CADPS2: variants seen among roughly 807,000 people sequenced by gnomAD.
CADPS2 encodes the protein calcium dependent secretion activator 2, also known as calcium-dependent secretion activator 2.
In CADPS2, 93 loss-of-function variants were observed where a neutral mutation model predicts 172.5. The ratio of observed to expected loss-of-function variants is 0.54; its 90% CI spans 0.46 to 0.64. CADPS2 has a LOEUF of 0.64. Ranked by LOEUF, CADPS2 falls within the 30% of genes least tolerant of loss-of-function variation. The pLI, the probability that CADPS2 is intolerant of heterozygous loss-of-function variation, is 0.00. For missense variants in CADPS2, 1,420 were observed against 1,565.9 expected (o/e 0.91, Z 1.57); for synonymous variants, 546 against 555.2 (o/e 0.98, Z 0.23).
chr7:122,668,627 C>T (rs975127438), intron 2 of CADPS2, among the ~76,000 whole-genome samples: 1 of 152,010 alleles, frequency 6.6e-6, no homozygotes, highest in Non-Finnish European at 1.5e-5. Flanking sequence ...TAGAGACAGT[C>T]CCACTGGCCT....
chr7:122,548,638 T>C (rs1171205641), intron 8 of CADPS2, among the ~76,000 whole-genome samples: 1 of 152,140 alleles, frequency 6.6e-6, no homozygotes, highest in African/African-American at 2.4e-5. Context: ...TAGTAAAACA[T>C]ACAATGAGCA....
chr7:122,770,663 G>C (rs536345713), intron 1 of CADPS2, among the ~76,000 whole-genome samples: 1 of 152,272 alleles, frequency 6.6e-6, no homozygotes, highest in Admixed American at 6.5e-5. Flanking sequence ...CAAATGCAGA[G>C]ATCAATTATC....
rs1488398029 is a variant in CADPS2, at chr7:122,328,747, G to C, written c.3613-3166C>G. Among the ~76,000 whole-genome samples the C allele has an allele frequency of 2.0e-5, 3 of 152,174 alleles. 1 individual carries two copies. Among genetic ancestry groups the C allele is most frequent in the Admixed American group, 1.3e-4 (2 of 15,276 alleles). On this transcript the variant is annotated intron_variant, in intron 28 of 29. Transcript: ENST00000449022. ...AAAAATAGAAGAAAGGGAAAGGCTA[G>C]GGTTGACTCTGTGAGACCCCTGTAT...
At chr7:122,780,573 G>T (rs962723736) in intron 1 of CADPS2, among the ~76,000 whole-genome samples, 1 of 152,108 alleles carries the variant, frequency 6.6e-6, no homozygotes, top group Admixed American at 6.5e-5. Flanking sequence ...TGGAGACAGG[G>T]TCTTCCTCTA....
At chr7:122,373,374 CTGCATTT>C (rs2041993250) in intron 25 of CADPS2, among the ~76,000 whole-genome samples, 1 of 152,114 alleles carries the variant, frequency 6.6e-6, no homozygotes, top group African/African-American at 2.4e-5. Context: ...GTATGGAAAT[CTGCATTT>C]TAACAGTTCT....
Position 122,683,749 on chromosome 7 carries a change from A to AC in CADPS2, c.454-20181_454-20180insG, listed in dbSNP as rs1249602018. 8.6e-5 allele frequency among the ~76,000 whole-genome samples: 13 copies of AC among 151,108 alleles called. No homozygotes were observed. In the East Asian group the frequency reaches 2.2e-3, roughly 25 times the overall value. ...CTTTGATATAATGTTAATGAAGAAA[A>AC]AAAAAACAAACAGATTCCCAGTTGG... is the stretch of plus-strand genomic sequence containing the variant. On this transcript the variant is annotated intron_variant, in intron 2 of 29. Transcript: ENST00000449022.
chr7:122,473,051 T>TCA (rs2056185097), intron 13 of CADPS2, among the ~76,000 whole-genome samples: 1 of 152,154 alleles, frequency 6.6e-6, no homozygotes, highest in Admixed American at 6.5e-5. Flanking sequence ...ATGATGCTTT[T>TCA]AAATCAAGTT....
chr7:122,649,898 A>ATGTTTTTTTTT (rs2078957519), intron 3 of CADPS2, among the ~76,000 whole-genome samples: 1 of 51,974 alleles, frequency 1.9e-5, no homozygotes, highest in Non-Finnish European at 3.3e-5. Flanking sequence ...GTATTCAATG[A>ATGTTTTTTTTT]TTTTTTTTTT....
chr7:122,805,206 C>T (rs577191123), intron 1 of CADPS2, among the ~76,000 whole-genome samples: 1 of 152,166 alleles, frequency 6.6e-6, no homozygotes, highest in African/African-American at 2.4e-5. Context: ...TGTCGCCAGG[C>T]TGGAGTGCAG....
At chr7:122,830,138 G>A (rs1483353422) in intron 1 of CADPS2, among the ~76,000 whole-genome samples, 1 of 152,070 alleles carries the variant, frequency 6.6e-6, no homozygotes, top group Non-Finnish European at 1.5e-5. Context: ...AGGCAGAACC[G>A]CTATTCAAAC....
At chr7:122,641,910 G>T (rs11763626) in intron 3 of CADPS2, among the ~76,000 whole-genome samples, 23,277 of 151,840 alleles carry the variant, frequency 0.15, 2,381 homozygotes, top group Non-Finnish European at 0.23. Context: ...ATCATTATGG[G>T]TACTCAATTA....
chr7:122,814,454 T>C (rs187428863), intron 1 of CADPS2, among the ~76,000 whole-genome samples: 1 of 152,180 alleles, frequency 6.6e-6, no homozygotes, highest in East Asian at 1.9e-4. Context: ...GCAAACTGGT[T>C]TTGTGTGTCC....
At chr7:122,500,354 T>C (rs1435086609) in intron 9 of CADPS2, among the ~76,000 whole-genome samples, 2 of 152,198 alleles carry the variant, frequency 1.3e-5, no homozygotes, top group African/African-American at 2.4e-5. Flanking sequence ...TCAGTAAATA[T>C]TCTGCCATAT....
At chr7:122,411,870 C>T (rs913723396) in intron 19 of CADPS2, among the ~76,000 whole-genome samples, 1 of 152,188 alleles carries the variant, frequency 6.6e-6, no homozygotes, top group African/African-American at 2.4e-5. Flanking sequence ...AAGTTTTTTA[C>T]AACTTCCGTG....
intron 27 of CADPS2, among the ~76,000 whole-genome samples, chr7:122,355,796 T>C (rs1321210571): frequency 6.6e-6 from 1 of 152,164 alleles, no homozygotes; most frequent in Admixed American, 6.5e-5. Flanking sequence ...TATTCACTCA[T>C]TTTATAGATG....
rs77855947 is a variant in CADPS2, at chr7:122,823,877, G to C, written c.339+62122C>G. On this transcript the variant is annotated intron_variant, in intron 1 of 29. Coordinates refer to ENST00000449022, the MANE Select transcript of CADPS2 (RefSeq NM_017954.11). ...CAGTAGGTAAGCATCAGACTCAGGG[G>C]TTGTGCAGGAGGGTGTTCCTTGTTT... 5.9e-3 allele frequency among the ~76,000 whole-genome samples: 898 copies of C among 152,124 alleles called. 8 individuals are homozygous for C. Among genetic ancestry groups the C allele is most frequent in the African/African-American group, 0.021 (861 of 41,494 alleles).
At chr7:122,572,567 C>A (rs1394954964) in intron 7 of CADPS2, among the ~76,000 whole-genome samples, 2 of 152,106 alleles carry the variant, frequency 1.3e-5, no homozygotes, top group Non-Finnish European at 2.9e-5. Flanking sequence ...CTGAAGATGA[C>A]CCTTTATCAA....
intron 6 of CADPS2, among the ~76,000 whole-genome samples, chr7:122,592,021 A>C (rs919630884): frequency 6.3e-4 from 96 of 152,286 alleles, no homozygotes; most frequent in African/African-American, 1.8e-3. Context: ...TCTGCACAGC[A>C]AAAGAAACTA....
intron 2 of CADPS2, among the ~76,000 whole-genome samples, chr7:122,686,526 C>G (rs1370500729): frequency 1.3e-5 from 2 of 152,186 alleles, no homozygotes; most frequent in Non-Finnish European, 2.9e-5. Context: ...GCTGCCCCCT[C>G]CTCAAGTTTC....
Sources: allele counts gnomAD v4.1 joint callset (sites outside exome capture counted in the v4.1 genomes callset), GRCh38; gene constraint gnomAD v4.1.1; transcripts MANE v1.5; gene names NCBI Gene and HGNC (gene_info 2026-07-23, HGNC 2026-07-21).